The following CCDC91 variants were observed in gnomAD, a reference collection of about 807,000 sequenced individuals.
CCDC91 encodes the protein coiled-coil domain containing 91.
Under a neutral mutation model 63.2 loss-of-function variants are expected in CCDC91, and 48 were observed. The observed-to-expected ratio is 0.76, with a 90% CI of 0.60 to 0.97. The LOEUF (loss-of-function observed/expected upper bound fraction) is 0.97, where lower values mean the gene tolerates loss of function less well. CCDC91 is among the 50% of genes least tolerant of loss of function. The probability of loss-of-function intolerance (pLI) is 0.00; values close to 1 mark genes in which losing one functional copy is unlikely to be tolerated. For synonymous variants in CCDC91, 167 were observed against 165.8 expected (o/e 1.01, Z -0.06); for missense variants, 500 against 494.6 (o/e 1.01, Z -0.10).
intron 11 of CCDC91, among the ~76,000 whole-genome samples, chr12:28,481,321 A>G (rs936017714): frequency 6.6e-6 from 1 of 151,930 alleles, no homozygotes; most frequent in African/African-American, 2.4e-5. Context: ...TACACACAGG[A>G]TGCTCCCTTA....
At chr12:28,318,048 T>G (rs963203077) in intron 6 of CCDC91, among the ~76,000 whole-genome samples, 8 of 151,954 alleles carry the variant, frequency 5.3e-5, no homozygotes, top group Non-Finnish European at 1.2e-4. Flanking sequence ...TAAAAATTTA[T>G]TTTTAAAAAT....
chr12:28,524,305 C>A (rs1351317364), intron 12 of CCDC91, among the ~76,000 whole-genome samples: 1 of 152,038 alleles, frequency 6.6e-6, no homozygotes, highest in Non-Finnish European at 1.5e-5. Context: ...CCTTGTATGC[C>A]AATTTTGCTG....
chr12:28,332,319 T>A (rs1477416971), intron 6 of CCDC91, among the ~76,000 whole-genome samples: 1 of 152,146 alleles, frequency 6.6e-6, no homozygotes, highest in Non-Finnish European at 1.5e-5. Context: ...TCTTAAGCGA[T>A]TTAAGAGTGA....
At chr12:28,318,314 G>A (rs77127094) in intron 6 of CCDC91, among the ~76,000 whole-genome samples, 3,823 of 151,436 alleles carry the variant, frequency 0.025, 79 homozygotes, top group Non-Finnish European at 0.038. Flanking sequence ...TTGAGCCCAG[G>A]TAAATCGAGA....
At chr12:28,458,473 T>G (rs1358991139) in intron 11 of CCDC91, among the ~76,000 whole-genome samples, 3 of 125,174 alleles carry the variant, frequency 2.4e-5, no homozygotes, top group Non-Finnish European at 4.9e-5. Flanking sequence ...TTTTTTTTTT[T>G]TTTTTTTTTT....
At chr12:28,259,002 T>C (rs1565684487) in intron 2 of CCDC91, among the ~76,000 whole-genome samples, 1 of 151,968 alleles carries the variant, frequency 6.6e-6, no homozygotes, top group East Asian at 1.9e-4. Flanking sequence ...TCTATATTTT[T>C]TAAAGACAAA....
intron 1 of CCDC91, among the ~76,000 whole-genome samples, chr12:28,205,283 G>C (rs1346306022): frequency 6.6e-6 from 1 of 151,686 alleles, no homozygotes; most frequent in East Asian, 1.9e-4. Context: ...TATATTGAGT[G>C]GATTAAAGTC....
At chr12:28,444,544 T>C (rs1480553915) in intron 8 of CCDC91, among the ~76,000 whole-genome samples, 1 of 152,186 alleles carries the variant, frequency 6.6e-6, no homozygotes, top group African/African-American at 2.4e-5. Context: ...TGGATGGAGC[T>C]GGAGGCTATT....
chr12:28,404,326 T>G (rs931853201), intron 8 of CCDC91, among the ~76,000 whole-genome samples: 12 of 152,236 alleles, frequency 7.9e-5, no homozygotes, highest in African/African-American at 2.9e-4. Context: ...TTATTGATTT[T>G]CTAGTTTAAT....
At chr12:28,444,396 T>G (rs1949389897) in intron 8 of CCDC91, among the ~76,000 whole-genome samples, 1 of 152,194 alleles carries the variant, frequency 6.6e-6, no homozygotes, top group Non-Finnish European at 1.5e-5. Flanking sequence ...AAATAAAATT[T>G]GGGCAGCCAG....
Position 28,404,984 on chromosome 12 carries a change from A to G in CCDC91, c.762+13573A>G, listed in dbSNP as rs539200039. Reference sequence around the variant, plus strand: ...GTGTTTTTAGACCATTGACATTTACAATAGACCATTGACATTTACAATGAT... The same window carrying G: ...GTGTTTTTAGACCATTGACATTTACGATAGACCATTGACATTTACAATGAT... On this transcript the variant is annotated intron_variant, in intron 8 of 12. Coordinates refer to ENST00000536442, the MANE Select transcript of CCDC91 (RefSeq NM_018318.5). Among the ~76,000 whole-genome samples, 4 of 152,170 alleles carry G rather than the reference A, an allele frequency of 2.6e-5. No homozygotes were observed. The South Asian group carries it at 8.3e-4, about 32-fold the overall frequency.
intron 7 of CCDC91, among the ~76,000 whole-genome samples, chr12:28,377,763 A>G (rs1945039869): frequency 6.6e-6 from 1 of 152,008 alleles, no homozygotes; most frequent in Non-Finnish European, 1.5e-5. Flanking sequence ...AGATATTGCC[A>G]CTACAGCTAG....
chr12:28,193,618 A>C (rs1941472052), intron 1 of CCDC91, among the ~76,000 whole-genome samples: 2 of 148,002 alleles, frequency 1.4e-5, no homozygotes, highest in East Asian at 1.9e-4. Flanking sequence ...AAAAAAAAAA[A>C]AGAAGGAAAT....
chr12:28,363,873 T>G (rs1290893976), intron 7 of CCDC91, among the ~76,000 whole-genome samples: 1 of 82,896 alleles, frequency 1.2e-5, no homozygotes, highest in Non-Finnish European at 2.2e-5. Flanking sequence ...CAAGGCTCCA[T>G]CTGAAAAAAA....
At chr12:28,409,514 T>C (rs1424306388) in intron 8 of CCDC91, among the ~76,000 whole-genome samples, 1 of 152,112 alleles carries the variant, frequency 6.6e-6, no homozygotes, top group Non-Finnish European at 1.5e-5. Context: ...ATACCAGCGT[T>C]TGGTTTCATT....
intron 12 of CCDC91, among the ~76,000 whole-genome samples, chr12:28,486,993 C>A (rs1951761481): frequency 6.6e-6 from 1 of 151,838 alleles, no homozygotes; most frequent in Non-Finnish European, 1.5e-5. Flanking sequence ...TCATCTTTAC[C>A]ACATTATTTA....
intron 12 of CCDC91, among the ~76,000 whole-genome samples, chr12:28,485,455 C>G (rs528674305): frequency 1.3e-5 from 2 of 152,108 alleles, no homozygotes; most frequent in African/African-American, 4.8e-5. Flanking sequence ...CATGAGCCAC[C>G]GTGCCCAGCC....
intron 1 of CCDC91, among the ~76,000 whole-genome samples, chr12:28,241,462 A>G (rs1945329691): frequency 6.6e-6 from 1 of 152,076 alleles, no homozygotes; most frequent in Non-Finnish European, 1.5e-5. Context: ...CTTTGTATGA[A>G]GAATAGTTCT....
intron 1 of CCDC91, among the ~76,000 whole-genome samples, chr12:28,226,405 G>C (rs1490532925): frequency 6.6e-6 from 1 of 152,032 alleles, no homozygotes; most frequent in Non-Finnish European, 1.5e-5. Context: ...TGACCTCTAT[G>C]ACATATGTTA....
Sources: allele counts gnomAD v4.1 joint callset (sites outside exome capture counted in the v4.1 genomes callset), GRCh38; gene constraint gnomAD v4.1.1; transcripts MANE v1.5; gene names NCBI Gene and HGNC (gene_info 2026-07-23, HGNC 2026-07-21).